Variants in PLXNB1 observed in about 807,000 individuals in gnomAD.
PLXNB1 encodes plexin-B1.
Under a neutral mutation model 209.4 loss-of-function variants are expected in PLXNB1, and 106 were observed. The ratio of observed to expected loss-of-function variants is 0.51; its 90% CI spans 0.43 to 0.59. The LOEUF (loss-of-function observed/expected upper bound fraction) is 0.59. PLXNB1 is among the 20% of genes least tolerant of loss of function. PLXNB1 has a pLI of 0.00. For synonymous variants in PLXNB1, 1,167 were observed against 1,183.2 expected, an observed-to-expected ratio of 0.99 and a Z score of 0.28; for missense variants, 2,357 against 2,853.2, an observed-to-expected ratio of 0.83 and a Z score of 3.96.
In PLXNB1 at chr3:48,423,625, C is replaced by T. The variant is rs1575409550; in HGVS notation, c.987G>A (p.Val329=). ...CTCGCGTGCGATTAGCAAGCCGGTC[C>T]ACCTCATCCAGGGGGAAGGCACAGA... ...SALCAFPLDE[V]DRLANRTRDA... The change falls in exon 3 of 38, where the codon GTG becomes GTA. Residue 329 remains valine (V), a synonymous_variant. Coordinates refer to ENST00000296440, the MANE Select transcript of PLXNB1 (RefSeq NM_001130082.3). 1 of 1,614,242 alleles carries T rather than the reference C, an allele frequency of 6.2e-7. No individual in the cohort carries two copies. The highest frequency in any genetic ancestry group is 8.5e-7 in the Non-Finnish European group (1 of 1,180,044).
In PLXNB1 at chr3:48,405,522, A is replaced by C. The variant is rs2037262757; in HGVS notation, c.6303+202T>G. ...GTCCTGCTGGGGAGCTGGAATGGGG[A>C]GCAGTGGGACAGGTGAGAGCACAGC... is the stretch of plus-strand genomic sequence containing the variant. On this transcript the variant is annotated intron_variant, in intron 37 of 37. Transcript: ENST00000296440. This position sits in a 1 kb window ranked among gnomAD's most constrained non-coding sequence, Gnocchi z 5.0. Among the ~76,000 whole-genome samples, 1 of 152,132 alleles carries C rather than the reference A, an allele frequency of 6.6e-6. No individual in the cohort carries two copies. The highest frequency in any genetic ancestry group is 2.1e-4 in the South Asian group (1 of 4,826).
At position 48,415,710 on chromosome 3, in the gene PLXNB1, G is replaced by C. The variant is rs1401773318; in HGVS notation, c.3667C>G (p.Pro1223Ala). The C allele has an allele frequency of 6.4e-7, 1 of 1,552,940 alleles. No homozygotes were observed. Among genetic ancestry groups the C allele is most frequent in the South Asian group, 1.2e-5 (1 of 84,144 alleles). Residue 1223 changes from proline (P) to alanine (A), a missense_variant, in exon 19 of 38, where the codon CCC (proline) becomes GCC (alanine). Around this residue, in one of 7 missense-constraint regions of PLXNB1, gnomAD observed 743 missense variants for 896.2 expected, o/e 0.83. Coordinates refer to ENST00000296440, the MANE Select transcript of PLXNB1 (RefSeq NM_001130082.3). The surrounding 1 kb of genome is among the most constrained non-coding windows in gnomAD (Gnocchi z 5.0). ...EQLRCETSPR[P>A]TPATLPVAVW... ...GCCACAGGGAGCGTGGCAGGCGTGG[G>C]GCGTGGGCTGGTCTCACACCGCAGT...
rs906862214 is a variant in PLXNB1 at position 48,411,446 on chromosome 3, C to T, written c.5248-410G>A. ...CTGAATGGGGGTTTCCCACAGGAACCCTTGTGCGTAACTAAGGGGAAAGCA... is the reference window on the plus strand; with the variant it reads ...CTGAATGGGGGTTTCCCACAGGAACTCTTGTGCGTAACTAAGGGGAAAGCA... On this transcript the variant is annotated intron_variant, in intron 28 of 37. Coordinates refer to ENST00000296440, the MANE Select transcript of PLXNB1 (RefSeq NM_001130082.3). This position sits in a 1 kb window ranked among gnomAD's most constrained non-coding sequence, Gnocchi z 4.0. 1.6e-4 allele frequency among the ~76,000 whole-genome samples: 25 copies of T among 152,144 alleles called. No homozygotes were observed. The highest frequency in any genetic ancestry group is 6.0e-4 in the African/African-American group (25 of 41,432).
chr3:48,409,299 T>TC lies in PLXNB1; in HGVS notation c.6087+29dup, dbSNP rs3217706. Reference sequence around the variant, plus strand: ...ACACAGCACTGTCCACCCTCACCCATCCCCCCGTGTCCATCCCAGACTCGC... The same window carrying TC: ...ACACAGCACTGTCCACCCTCACCCATCCCCCCCGTGTCCATCCCAGACTCGC... On this transcript the variant is annotated intron_variant, in intron 34 of 37. Coordinates refer to ENST00000296440, the MANE Select transcript of PLXNB1 (RefSeq NM_001130082.3). This position sits in a 1 kb window ranked among gnomAD's most constrained non-coding sequence, Gnocchi z 5.8. 0.56 allele frequency: 906,256 copies of TC among 1,609,470 alleles called. 257,122 individuals are homozygous for TC. The highest frequency in any genetic ancestry group is 0.68 in the African/African-American group (50,644 of 74,752).
intron 21 of PLXNB1, 35 bp downstream of exon 21, chr3:48,414,764 C>T (rs750955931): frequency 6.2e-7 from 1 of 1,602,966 alleles, no homozygotes; most frequent in Non-Finnish European, 8.5e-7. Flanking sequence ...AGGGAAGGGT[C>T]TCGGGGCCCT....
rs1277918292 is a variant in PLXNB1, at chr3:48,411,178, C to T, written c.5248-142G>A. 3 of 701,646 alleles carry T rather than the reference C, an allele frequency of 4.3e-6. No individual in the cohort carries two copies. In the Admixed American group the frequency reaches 8.6e-5, roughly 20 times the overall value. 43.5% of individuals were successfully genotyped at this position (701,646 alleles called of 1,614,324 possible). ...CAATCCCTAATTCTCGTCTCTTCAC[C>T]TGCCTGCCTTCCCCAGGGACAGCAG... On this transcript the variant is annotated intron_variant, in intron 28 of 37. Coordinates refer to ENST00000296440, the MANE Select transcript of PLXNB1 (RefSeq NM_001130082.3). This position sits in a 1 kb window ranked among gnomAD's most constrained non-coding sequence, Gnocchi z 4.0.
chr3:48,422,057 A>G, intron 6 of PLXNB1, 48 bp downstream of exon 6: 1 of 1,504,986 alleles, frequency 6.6e-7, no homozygotes, highest in South Asian at 1.1e-5. Flanking sequence ...ATTATGCAGG[A>G]GCATTGTGGG....
intron 21 of PLXNB1, among the ~76,000 whole-genome samples, chr3:48,414,537 C>T (rs921747115): frequency 6.6e-6 from 1 of 152,194 alleles, no homozygotes; most frequent in Non-Finnish European, 1.5e-5. Context: ...CTGCACAGGC[C>T]GAACATACAA....
In PLXNB1 at chr3:48,412,802, A is replaced by G; in HGVS notation, c.4794T>C (p.Thr1598=). 2 of 1,613,668 alleles carry G rather than the reference A, an allele frequency of 1.2e-6. No individual in the cohort carries two copies. Among genetic ancestry groups the G allele is most frequent in the Non-Finnish European group, 1.7e-6 (2 of 1,180,018 alleles). Residue 1598 remains threonine, a synonymous_variant, in exon 25 of 38, where the codon ACT becomes ACC. Transcript: ENST00000296440. ...DLGVPESRRP[T]VEQGLGQLSN... The stretch of plus-strand genomic sequence containing the variant: ...AGAGCTGCCCCAGCCCTTGCTCCAC[A>G]GTGGGCCGTCTGCTCTCAGGCACAC...
Position 48,413,372 on chromosome 3 carries a change from A to G in PLXNB1, c.4536-203T>C. On this transcript the variant is annotated intron_variant, in intron 23 of 37. Coordinates refer to ENST00000296440, the MANE Select transcript of PLXNB1 (RefSeq NM_001130082.3). This position sits in a 1 kb window ranked among gnomAD's most constrained non-coding sequence, Gnocchi z 5.4. ...ACCCATGCCCCGTCTAGCCCAGCAC[A>G]GTTTAGCCTAGAGATCAGCCAACCA... is the stretch of plus-strand genomic sequence containing the variant. The G allele has an allele frequency of 1.6e-6, 1 of 607,308 alleles. No individual in the cohort carries two copies. Among genetic ancestry groups the G allele is most frequent in the Non-Finnish European group, 2.9e-6 (1 of 343,258 alleles). The allele number at this position is 607,308 out of a possible 1,614,324, so 37.6% of individuals were successfully genotyped here.
Position 48,410,680 on chromosome 3 carries a change from C to G in PLXNB1, c.5417-122G>C. 1 of 994,686 alleles carries G rather than the reference C, an allele frequency of 1.0e-6. No homozygotes were observed. Among genetic ancestry groups the G allele is most frequent in the Non-Finnish European group, 1.5e-6 (1 of 658,680 alleles). The allele number at this position is 994,686 out of a possible 1,614,324, so 61.6% of individuals were successfully genotyped here. A position where few individuals can be genotyped will look rare whatever the true frequency, so the allele number is the denominator to read the frequency against. On this transcript the variant is annotated intron_variant, in intron 29 of 37. Transcript: ENST00000296440. This position sits in a 1 kb window ranked among gnomAD's most constrained non-coding sequence, Gnocchi z 6.4. ...ATGGGGCAGCCTTACTCAACCTCTC[C>G]AAAGACCAAGAGCAGGGACCCCCTC...
chr3:48,415,337 C>T lies in PLXNB1; in HGVS notation c.3805G>A (p.Glu1269Lys). The change falls in exon 20 of 38, where the codon GAG becomes AAG. Residue 1269 changes from glutamate to lysine, a missense_variant. This residue lies in a region of PLXNB1 where 743 missense variants were observed against 896.2 expected (regional missense o/e 0.83). Transcript: ENST00000296440. This position sits in a 1 kb window ranked among gnomAD's most constrained non-coding sequence, Gnocchi z 5.0. ...PTKSFLSGGR[E>K]ICVRGQNLDV... ...AGATTCTGGCCACGGACGCATATCT[C>T]ACGTCCTCCACTGAAACAGACCGTG... 2.5e-6 allele frequency: 4 copies of T among 1,613,300 alleles called. No individual in the cohort carries two copies. Among genetic ancestry groups the T allele is most frequent in the Non-Finnish European group, 3.4e-6 (4 of 1,179,834 alleles).
intron 21 of PLXNB1, 43 bp downstream of exon 21, chr3:48,414,756 G>C: frequency 6.3e-7 from 1 of 1,597,800 alleles, no homozygotes; most frequent in Non-Finnish European, 8.5e-7. Flanking sequence ...TCCAGCCAAG[G>C]GAAGGGTCTC....
At chr3:48,430,201 C>A (rs1393485324), upstream of PLXNB1, 1 of 152,560 alleles carries the variant, frequency 6.6e-6, no homozygotes, top group Non-Finnish European at 1.5e-5. Flanking sequence ...GACACCAACC[C>A]CCCCCAGCCT....
chr3:48,415,415 G>C lies in PLXNB1; in HGVS notation c.3795-68C>G. On this transcript the variant is annotated intron_variant, in intron 19 of 37. Coordinates refer to ENST00000296440, the MANE Select transcript of PLXNB1 (RefSeq NM_001130082.3). This position sits in a 1 kb window ranked among gnomAD's most constrained non-coding sequence, Gnocchi z 5.0. ...TTACCTGGACCTAAAGCACAGCCCA[G>C]TCCCGGCTAGGTCAGCTCAGCCCCA... is the stretch of plus-strand genomic sequence containing the variant. The C allele has an allele frequency of 6.5e-7, 1 of 1,532,154 alleles. No individual in the cohort carries two copies. Among genetic ancestry groups the C allele is most frequent in the South Asian group, 1.2e-5 (1 of 85,014 alleles). 94.9% of individuals were successfully genotyped at this position (1,532,154 alleles called of 1,614,324 possible). A position where few individuals can be genotyped will look rare whatever the true frequency, so the allele number is the denominator to read the frequency against.
At chr3:48,423,376 A>G (rs2038659412) in intron 3 of PLXNB1, 129 bp downstream of exon 3, 2 of 1,013,394 alleles carry the variant, frequency 2.0e-6, no homozygotes, top group Non-Finnish European at 2.9e-6. Flanking sequence ...GAAGCACTTA[A>G]TATTTGCTGA....
chr3:48,404,014 G>C lies in PLXNB1; in HGVS notation c.*472C>G, dbSNP rs1042382170. 6.4e-6 allele frequency: 1 copy of C among 157,116 alleles called. No individual in the cohort carries two copies. Among genetic ancestry groups the C allele is most frequent in the Non-Finnish European group, 1.4e-5 (1 of 70,750 alleles). 9.7% of individuals were successfully genotyped at this position (157,116 alleles called of 1,614,324 possible). Reference sequence around the variant, plus strand: ...GGTCAGTTTGTAGTGGCCTAGGAGAGGCGTTCAACTCTTAGACCTAGGATG... The same window carrying C: ...GGTCAGTTTGTAGTGGCCTAGGAGACGCGTTCAACTCTTAGACCTAGGATG... On this transcript the variant is annotated 3_prime_UTR_variant, in exon 38 of 38. Coordinates refer to ENST00000296440, the MANE Select transcript of PLXNB1 (RefSeq NM_001130082.3).
At chr3:48,427,223 C>G (rs535492213) in intron 1 of PLXNB1, among the ~76,000 whole-genome samples, 1 of 152,096 alleles carries the variant, frequency 6.6e-6, no homozygotes, top group South Asian at 2.1e-4. Flanking sequence ...GAGGAGACAA[C>G]AGGAAGAAAT....
rs907134262 is a variant in PLXNB1, at chr3:48,417,425, G to A, written c.3374+486C>T. On this transcript the variant is annotated intron_variant, in intron 16 of 37. Coordinates refer to ENST00000296440, the MANE Select transcript of PLXNB1 (RefSeq NM_001130082.3). This position sits in a 1 kb window ranked among gnomAD's most constrained non-coding sequence, Gnocchi z 4.4. ...ATAACCCAGGAGCCCCAGGAAGGCAGCAGGGGTCCCTAGAGACGACAGTGG... is the reference window on the plus strand; with the variant it reads ...ATAACCCAGGAGCCCCAGGAAGGCAACAGGGGTCCCTAGAGACGACAGTGG... 2.0e-5 allele frequency among the ~76,000 whole-genome samples: 3 copies of A among 152,348 alleles called. No individual in the cohort carries two copies. The highest frequency in any genetic ancestry group is 4.4e-5 in the Non-Finnish European group (3 of 68,022).
Sources: gnomAD v4.1 joint callset for allele counts (sites outside exome capture counted in the v4.1 genomes callset) on GRCh38, gnomAD v4.1.1 for gene constraint, gnomAD v4.1.1 regional missense constraint, Gnocchi (gnomAD v3.1) non-coding constraint, MANE v1.5 for transcripts, NCBI Gene and HGNC (gene_info 2026-07-23, HGNC 2026-07-21) for gene names.